TBC1D4: variants seen among roughly 807,000 people sequenced by gnomAD.
The protein encoded by TBC1D4 is TBC (Tre-2, BUB2, CDC16) domain-containing protein.
A neutral mutation model predicts 142.5 loss-of-function variants in TBC1D4; 121 were observed. That is an observed-to-expected ratio of 0.85 (90% CI 0.73 to 0.99). The LOEUF is 0.99. TBC1D4 is among the 50% of genes least tolerant of loss of function. The pLI is 0.00. For missense variants in TBC1D4, 1,475 were observed against 1,606.6 expected, an observed-to-expected ratio of 0.92 and a Z score of 1.40; for synonymous variants, 630 against 628.2, an observed-to-expected ratio of 1.00 and a Z score of -0.04.
At chr13:75,478,631 A>T (rs1367382564) in intron 1 of TBC1D4, among the ~76,000 whole-genome samples, 5 of 152,224 alleles carry the variant, frequency 3.3e-5, no homozygotes, top group African/African-American at 1.2e-4. Flanking sequence ...CCCTAGAACT[A>T]TCCACAGCCA....
At chr13:75,376,795 T>G (rs1883536682) in intron 1 of TBC1D4, among the ~76,000 whole-genome samples, 1 of 152,252 alleles carries the variant, frequency 6.6e-6, no homozygotes. Flanking sequence ...TCTGTATGTA[T>G]TATTCTGGTA....
At chr13:75,351,162 A>G (rs1881555811) in intron 4 of TBC1D4, among the ~76,000 whole-genome samples, 1 of 152,198 alleles carries the variant, frequency 6.6e-6, no homozygotes, top group Non-Finnish European at 1.5e-5. Flanking sequence ...AGATAGGACA[A>G]AGCCCAATTT....
intron 1 of TBC1D4, among the ~76,000 whole-genome samples, chr13:75,430,293 G>C (rs978050875): frequency 2.0e-5 from 3 of 152,026 alleles, no homozygotes; most frequent in Admixed American, 6.5e-5. Flanking sequence ...AATATACATC[G>C]CTTTAAAGGC....
chr13:75,360,812 T>G (rs1341548420), intron 2 of TBC1D4, among the ~76,000 whole-genome samples: 2 of 152,200 alleles, frequency 1.3e-5, no homozygotes, highest in Non-Finnish European at 2.9e-5. Context: ...CTACGAGTGT[T>G]TATGAAATCC....
Position 75,327,783 on chromosome 13 carries a change from A to G in TBC1D4, c.1775T>C (p.Phe592Ser), listed in dbSNP as rs1489812890. The G allele has an allele frequency of 6.2e-7, 1 of 1,613,926 alleles. No individual in the cohort carries two copies. Among genetic ancestry groups the G allele is most frequent in the East Asian group, 2.2e-5 (1 of 44,868 alleles). ...TGAAGCAAGACTGTTGGACCGTTCA[A>G]AACTGTCCACACTTCCAAGCCGACC... ...MRGRLGSVDSFERSNSLASEK... is the reference protein window; with the variant it reads ...MRGRLGSVDSSERSNSLASEK... The change falls in exon 9 of 21, where the codon TTT (phenylalanine) becomes TCT (serine). Residue 592 changes from phenylalanine (F) to serine (S), a missense_variant. Phe to Ser is a radical substitution (Grantham distance 155). Around this residue, in one of 2 missense-constraint regions of TBC1D4, gnomAD observed 1,227 missense variants for 1,267.7 expected, o/e 0.97. Transcript: ENST00000377636.
intron 7 of TBC1D4, among the ~76,000 whole-genome samples, chr13:75,338,062 G>A (rs1336984867): frequency 6.6e-6 from 1 of 152,166 alleles, no homozygotes; most frequent in Non-Finnish European, 1.5e-5. Context: ...TTTATAAGCT[G>A]AGGGAAATCC....
intron 15 of TBC1D4, chr13:75,302,846 A>C: frequency 4.7e-6 from 1 of 213,256 alleles, no homozygotes. Flanking sequence ...AGAACTCCAA[A>C]AGTCTGGTTT....
rs138626250 is a variant in TBC1D4 at position 75,473,919 on chromosome 13, C to T, written c.498+7351G>A. On this transcript the variant is annotated intron_variant, in intron 1 of 20. Transcript: ENST00000377636. ...GGTTTACTTGTTTTTAAATGTAGAT[C>T]CTAATGATCTTTTATTCTAACCTAA... Among the ~76,000 whole-genome samples the T allele has an allele frequency of 3.2e-3, 487 of 152,216 alleles. 7 individuals are homozygous for T. The highest frequency in any genetic ancestry group is 0.011 in the African/African-American group (469 of 41,530).
chr13:75,455,957 T>C (rs1593905699), intron 1 of TBC1D4, among the ~76,000 whole-genome samples: 1 of 152,056 alleles, frequency 6.6e-6, no homozygotes, highest in East Asian at 1.9e-4. Flanking sequence ...CTAATGCATA[T>C]ATATAATACA....
At position 75,286,361 on chromosome 13, in the gene TBC1D4, AT is replaced by A. The variant is rs980059550; in HGVS notation, c.*430del. The A allele has an allele frequency of 1.2e-5, 2 of 161,376 alleles. No homozygotes were observed. Among genetic ancestry groups the A allele is most frequent in the African/African-American group, 4.8e-5 (2 of 41,502 alleles). The allele number at this position is 161,376 out of a possible 1,614,324, so 10.0% of individuals were successfully genotyped here. A position where few individuals can be genotyped will look rare whatever the true frequency, so the allele number is the denominator to read the frequency against. Reference sequence around the variant, plus strand: ...GTTCTTTGGAGAAAAAAATACATTCATTTTTTTCAAGTATATTGCAATATAC... The same window carrying A: ...GTTCTTTGGAGAAAAAAATACATTCATTTTTTCAAGTATATTGCAATATAC... On this transcript the variant is annotated 3_prime_UTR_variant, in exon 21 of 21. Coordinates refer to ENST00000377636, the MANE Select transcript of TBC1D4 (RefSeq NM_014832.5).
chr13:75,297,724 T>C (rs1186859798), intron 17 of TBC1D4, among the ~76,000 whole-genome samples: 9 of 148,648 alleles, frequency 6.1e-5, no homozygotes, highest in Non-Finnish European at 1.0e-4. Flanking sequence ...GCCACTGCAC[T>C]CCTGCCTGGG....
chr13:75,336,346 G>A (rs1245156381), intron 8 of TBC1D4, among the ~76,000 whole-genome samples: 1 of 151,706 alleles, frequency 6.6e-6, no homozygotes, highest in Non-Finnish European at 1.5e-5. Context: ...GCAGTAAGCT[G>A]AGATCGCACC....
chr13:75,432,675 G>A (rs1246511253), intron 1 of TBC1D4, among the ~76,000 whole-genome samples: 1 of 152,032 alleles, frequency 6.6e-6, no homozygotes, highest in Non-Finnish European at 1.5e-5. Context: ...ATAGAAGAAA[G>A]GAACTAATAT....
chr13:75,414,612 T>A (rs920604974), intron 1 of TBC1D4, among the ~76,000 whole-genome samples: 6 of 151,946 alleles, frequency 3.9e-5, no homozygotes, highest in African/African-American at 1.5e-4. Context: ...GGTGTGTAGG[T>A]GTGGTCTGTG....
intron 5 of TBC1D4, among the ~76,000 whole-genome samples, chr13:75,342,510 G>A (rs137947208): frequency 0.018 from 2,778 of 152,168 alleles, 50 homozygotes; most frequent in Non-Finnish European, 0.027. Flanking sequence ...AGTATTTAGT[G>A]AACTTTCAAT....
intron 14 of TBC1D4, among the ~76,000 whole-genome samples, chr13:75,307,782 T>C (rs1369965917): frequency 6.6e-6 from 1 of 152,182 alleles, no homozygotes; most frequent in Non-Finnish European, 1.5e-5. Flanking sequence ...AGTACAAAAC[T>C]ATTCCTTCCG....
chr13:75,292,634 A>C (rs1294672659), intron 18 of TBC1D4, among the ~76,000 whole-genome samples: 1 of 152,160 alleles, frequency 6.6e-6, no homozygotes, highest in East Asian at 1.9e-4. Context: ...ACAAATTAAC[A>C]TAACCAATGA....
At chr13:75,332,631 AG>A (rs1290550983) in intron 8 of TBC1D4, among the ~76,000 whole-genome samples, 1 of 152,186 alleles carries the variant, frequency 6.6e-6, no homozygotes, top group Non-Finnish European at 1.5e-5. Flanking sequence ...GTCTGGGGTG[AG>A]GACCAGGATT....
At chr13:75,365,687 G>T (rs1439832322) in intron 1 of TBC1D4, among the ~76,000 whole-genome samples, 1 of 152,116 alleles carries the variant, frequency 6.6e-6, no homozygotes, top group Non-Finnish European at 1.5e-5. Context: ...CTTCTTATAT[G>T]TGTTGTATCT....
Sources: allele counts gnomAD v4.1 joint callset (sites outside exome capture counted in the v4.1 genomes callset), GRCh38; gene constraint gnomAD v4.1.1; regional missense constraint gnomAD v4.1.1; transcripts MANE v1.5; gene names NCBI Gene and HGNC (gene_info 2026-07-23, HGNC 2026-07-21).